Variants in AKAP3 observed in about 807,000 individuals in gnomAD.
AKAP3 encodes A-kinase anchoring protein 3.
Under a neutral mutation model 57.2 loss-of-function variants are expected in AKAP3, and 27 were observed. That is an observed-to-expected ratio of 0.47 (90% CI 0.35 to 0.65). AKAP3 has a LOEUF of 0.65. AKAP3 is among the 30% of genes least tolerant of loss of function. The pLI, the probability that AKAP3 is intolerant of heterozygous loss-of-function variation, is 0.01. For missense variants in AKAP3, 959 were observed against 1,040.0 expected, an observed-to-expected ratio of 0.92 and a Z score of 1.07; for synonymous variants, 334 against 392.3, an observed-to-expected ratio of 0.85 and a Z score of 1.76.
chr12:4,642,901 G>A (rs1309340971), intron 2 of AKAP3, among the ~76,000 whole-genome samples: 3 of 152,150 alleles, frequency 2.0e-5, no homozygotes, highest in African/African-American at 7.2e-5. Context: ...CTTTTGGATT[G>A]GAGAATCCAA....
rs1004675373 is a variant in AKAP3, at chr12:4,643,765, G to T, written c.-107+1290C>A. 3.9e-5 allele frequency among the ~76,000 whole-genome samples: 6 copies of T among 152,324 alleles called. No individual in the cohort carries two copies. In the South Asian group the frequency reaches 1.0e-3, roughly 26 times the overall value. ...AAGGCATAAGCAACATAGGGGCTTG[G>T]TTATGGTCGTTATATCCTAGACCAT... On this transcript the variant is annotated intron_variant, in intron 2 of 5. Transcript: ENST00000228850.
rs879214044 is a variant in AKAP3 at position 4,628,608 on chromosome 12, A to T, written c.294T>A (p.His98Gln). The change falls in exon 5 of 6, where the codon CAT (histidine) becomes CAA (glutamine). Residue 98 changes from histidine to glutamine, a missense_variant. Physicochemically the swap from His to Gln is conservative, Grantham distance 24. Transcript: ENST00000228850. ...GAATCTCTTTGTGAGTCATCTCAAA[A>T]TGCAATCTTTCTGGAGTGCCCTTGG... ...TTTKGTPERL[H>Q]FEMTHKEIPC... is the part of the protein sequence containing the mutation. 7 of 1,614,080 alleles carry T rather than the reference A, an allele frequency of 4.3e-6. No homozygotes were observed. The highest frequency in any genetic ancestry group is 5.9e-6 in the Non-Finnish European group (7 of 1,180,018).
chr12:4,619,571 C>CA (rs1464370478), intron 5 of AKAP3, among the ~76,000 whole-genome samples: 156 of 150,512 alleles, frequency 1.0e-3, no homozygotes, highest in African/African-American at 3.5e-3. Context: ...ACAACAACAA[C>CA]AACAAAAAAA....
chr12:4,637,533 C>G (rs544975489), intron 4 of AKAP3, among the ~76,000 whole-genome samples: 118 of 152,244 alleles, frequency 7.8e-4, no homozygotes, highest in Admixed American at 3.1e-3. Flanking sequence ...TAGTAGTTAA[C>G]TACGTTTTAT....
Position 4,626,627 on chromosome 12 carries a change from C to A in AKAP3, c.2275G>T (p.Val759Phe), listed in dbSNP as rs1945415087. 1 of 1,614,102 alleles carries A rather than the reference C, an allele frequency of 6.2e-7. No homozygotes were observed. Among genetic ancestry groups the A allele is most frequent in the Non-Finnish European group, 8.5e-7 (1 of 1,180,040 alleles). The change falls in exon 5 of 6, where the codon GTC becomes TTC. Residue 759 changes from valine to phenylalanine, a missense_variant. By Grantham distance (50) the Val-to-Phe change is conservative. Transcript: ENST00000228850. The stretch of plus-strand genomic sequence containing the variant: ...GTGTCCGTTAGGTTGTGATTGCTGA[C>A]AATCACCGTGGGTGCTGCACACCCT... ...PEGCAAPTVI[V>F]SNHNLTDTVQ...
Position 4,625,385 on chromosome 12 carries a change from A to G in AKAP3, c.2406+1111T>C, listed in dbSNP as rs997526128. 2.0e-5 allele frequency among the ~76,000 whole-genome samples: 3 copies of G among 152,156 alleles called. No homozygotes were observed. Among genetic ancestry groups the G allele is most frequent in the African/African-American group, 7.2e-5 (3 of 41,440 alleles). On this transcript the variant is annotated intron_variant, in intron 5 of 5. Coordinates refer to ENST00000228850, the MANE Select transcript of AKAP3 (RefSeq NM_001278309.2). This position sits in a 1 kb window ranked among gnomAD's most constrained non-coding sequence, Gnocchi z 5.4. ...AGCACGTGTAGTCTTTTTAAGACCAAAGTCAAAGACCATACAGTTTCTTGT... is the reference window on the plus strand; with the variant it reads ...AGCACGTGTAGTCTTTTTAAGACCAGAGTCAAAGACCATACAGTTTCTTGT...
At chr12:4,619,577 A>C (rs1308845765) in intron 5 of AKAP3, among the ~76,000 whole-genome samples, 2 of 152,026 alleles carry the variant, frequency 1.3e-5, no homozygotes, top group Non-Finnish European at 2.9e-5. Flanking sequence ...ACAACAACAA[A>C]AAAACATAAG....
In AKAP3 at chr12:4,627,070, T is replaced by C. The variant is rs778142485; in HGVS notation, c.1832A>G (p.Gln611Arg). ...TTCCGGCACCTTGGGTTCAGGGCTCTGGTCACGCTTGAAAATGGTCTCACT... is the reference window on the plus strand; with the variant it reads ...TTCCGGCACCTTGGGTTCAGGGCTCCGGTCACGCTTGAAAATGGTCTCACT... Reference protein sequence around the residue: ...LLSETIFKRDQSPEPKVPEQP... With the variant: ...LLSETIFKRDRSPEPKVPEQP... Residue 611 changes from glutamine to arginine, a missense_variant, in exon 5 of 6, where the codon CAG becomes CGG. Gln to Arg is a conservative substitution (Grantham distance 43, BLOSUM62 1). Transcript: ENST00000228850. The C allele has an allele frequency of 1.2e-6, 2 of 1,613,990 alleles. No individual in the cohort carries two copies. The highest frequency in any genetic ancestry group is 1.7e-5 in the Admixed American group (1 of 60,002).
At chr12:4,642,710 T>C (rs1945652261) in intron 2 of AKAP3, among the ~76,000 whole-genome samples, 1 of 152,228 alleles carries the variant, frequency 6.6e-6, no homozygotes. Context: ...TTCTATCTAG[T>C]AGTTTAATTG....
At position 4,627,595 on chromosome 12, in the gene AKAP3, G is replaced by A. The variant is rs1945436775; in HGVS notation, c.1307C>T (p.Ser436Phe). The change falls in exon 5 of 6, where the codon TCT (serine) becomes TTT (phenylalanine). Residue 436 changes from serine to phenylalanine, a missense_variant. Transcript: ENST00000228850. ...AGTCTCCTCCTCTGATTTGGGTTCAGAATACATTTTTTCTCTCAATTTAGT... is the reference window on the plus strand; with the variant it reads ...AGTCTCCTCCTCTGATTTGGGTTCAAAATACATTTTTTCTCTCAATTTAGT... The part of the protein sequence containing the change: ...SETKLREKMY[S>F]EPKSEEETCA... 2 of 1,614,082 alleles carry A rather than the reference G, an allele frequency of 1.2e-6. No homozygotes were observed. The highest frequency in any genetic ancestry group is 2.7e-5 in the African/African-American group (2 of 75,020).
chr12:4,637,984 C>A (rs909264893), intron 4 of AKAP3, 117 bp downstream of exon 4: 7 of 931,666 alleles, frequency 7.5e-6, no homozygotes, highest in Non-Finnish European at 1.2e-5. Context: ...TCCCACCTGC[C>A]TCAAGAATCC....
chr12:4,616,243 G>A (rs1945283967), intron 5 of AKAP3, among the ~76,000 whole-genome samples: 1 of 152,162 alleles, frequency 6.6e-6, no homozygotes, highest in South Asian at 2.1e-4. Context: ...ATAGACCACA[G>A]AATCCTAAAA....
Position 4,648,838 on chromosome 12 carries a change from G to A in AKAP3, c.-338C>T. 2.4e-6 allele frequency: 1 copy of A among 418,928 alleles called. No homozygotes were observed. The highest frequency in any genetic ancestry group is 4.3e-6 in the Non-Finnish European group (1 of 234,666). The allele number at this position is 418,928 out of a possible 1,614,324, so 26.0% of individuals were successfully genotyped here. On this transcript the variant is annotated 5_prime_UTR_variant, in exon 1 of 6. Coordinates refer to ENST00000228850, the MANE Select transcript of AKAP3 (RefSeq NM_001278309.2). Reference sequence around the variant, plus strand: ...TACCTCGGGTCTTGCCATTTTGCATGTCCTGAGTCAGTCACTGGTTAACTC... The same window carrying A: ...TACCTCGGGTCTTGCCATTTTGCATATCCTGAGTCAGTCACTGGTTAACTC...
In AKAP3 at chr12:4,617,537, G is replaced by A. The variant is rs919877214; in HGVS notation, c.2407-1643C>T. On this transcript the variant is annotated intron_variant, in intron 5 of 5. Transcript: ENST00000228850. The stretch of plus-strand genomic sequence containing the variant: ...GGAGGCTGAGGCAGGAAGATCACCT[G>A]AAGTCAGGAGTTTGAGACCAGCCTG... 1.6e-4 allele frequency among the ~76,000 whole-genome samples: 25 copies of A among 152,228 alleles called. 1 individual carries two copies. Among genetic ancestry groups the A allele is most frequent in the Non-Finnish European group, 7.3e-5 (5 of 68,046 alleles).
chr12:4,628,485 G>T lies in AKAP3; in HGVS notation c.417C>A (p.Ala139=), dbSNP rs1274845057. 3 of 1,614,140 alleles carry T rather than the reference G, an allele frequency of 1.9e-6. No homozygotes were observed. In the South Asian group the frequency reaches 3.3e-5, roughly 18 times the overall value. ...NRLTNLVIAM[A]RKEINEKIDG... ...CGATCTTCTCATTGATCTCTTTGCGGGCCATGGCTATGACTAGATTCGTGA... is the reference window on the plus strand; with the variant it reads ...CGATCTTCTCATTGATCTCTTTGCGTGCCATGGCTATGACTAGATTCGTGA... Residue 139 remains alanine, a synonymous_variant, in exon 5 of 6, where the codon GCC becomes GCA. Transcript: ENST00000228850.
At position 4,628,222 on chromosome 12, in the gene AKAP3, C is replaced by T; in HGVS notation, c.680G>A (p.Arg227Lys). Residue 227 changes from arginine to lysine, a missense_variant, in exon 5 of 6, where the codon AGA becomes AAA. Transcript: ENST00000228850. ...AGGAGGCTTGTCATCTGGACCCTGT[C>T]TTTCTTTGGTGCTCTCCTTGATCTT... ...TLKIKESTKE[R>K]QGPDDKPPSK... 6.2e-7 allele frequency: 1 copy of T among 1,614,106 alleles called. No homozygotes were observed.
At chr12:4,617,519 G>A (rs928162822) in intron 5 of AKAP3, among the ~76,000 whole-genome samples, 1 of 152,220 alleles carries the variant, frequency 6.6e-6, no homozygotes, top group South Asian at 2.1e-4. Context: ...TTGGGAGGCT[G>A]AGGCAGGAAG....
At chr12:4,645,487 G>A (rs1945687739) in intron 1 of AKAP3, 1 of 152,112 alleles carries the variant, frequency 6.6e-6, no homozygotes, top group Non-Finnish European at 1.5e-5. Context: ...TACATTTGTT[G>A]TGCACTCTAT....
At position 4,628,319 on chromosome 12, in the gene AKAP3, C is replaced by G. The variant is rs929095215; in HGVS notation, c.583G>C (p.Ala195Pro). The G allele has an allele frequency of 6.2e-7, 1 of 1,614,170 alleles. No homozygotes were observed. The change falls in exon 5 of 6, where the codon GCT becomes CCT. Residue 195 changes from alanine to proline, a missense_variant. By Grantham distance (27) the Ala-to-Pro change is conservative (BLOSUM62 -1). Transcript: ENST00000228850. Reference protein sequence around the residue: ...ACSRNAAPDKAPGSGDRVSGS... With the variant: ...ACSRNAAPDKPPGSGDRVSGS... ...GAGACTCTGTCTCCAGAGCCAGGAGCCTTGTCTGGGGCAGCATTCCTGGAA... is the reference window on the plus strand; with the variant it reads ...GAGACTCTGTCTCCAGAGCCAGGAGGCTTGTCTGGGGCAGCATTCCTGGAA...
Sources: gnomAD v4.1 joint callset for allele counts (sites outside exome capture counted in the v4.1 genomes callset) on GRCh38, gnomAD v4.1.1 for gene constraint, Gnocchi (gnomAD v3.1) non-coding constraint, MANE v1.5 for transcripts, NCBI Gene and HGNC (gene_info 2026-07-23, HGNC 2026-07-21) for gene names.